Variants in MED13L observed in about 807,000 individuals in gnomAD.
MED13L encodes the protein mediator of RNA polymerase II transcription subunit 13-like.
A neutral mutation model predicts 220.9 loss-of-function variants in MED13L; 7 were observed. The ratio of observed to expected loss-of-function variants is 0.03; its 90% CI spans 0.02 to 0.06. The LOEUF (loss-of-function observed/expected upper bound fraction) is 0.06. Ranked by LOEUF, MED13L falls within the 10% of genes least tolerant of loss-of-function variation. The pLI is 1.00. For synonymous variants in MED13L, 1,011 were observed against 1,015.2 expected (o/e 1.00, Z 0.08); for missense variants, 1,965 against 2,760.5 (o/e 0.71, Z 6.46).
intron 4 of MED13L, among the ~76,000 whole-genome samples, chr12:116,093,171 T>C (rs1872378010): frequency 6.6e-6 from 1 of 152,154 alleles, no homozygotes; most frequent in African/African-American, 2.4e-5. Context: ...TTTTAAAACA[T>C]ATTCTGAATG....
intron 13 of MED13L, among the ~76,000 whole-genome samples, chr12:116,005,467 TA>T (rs1457667693): frequency 6.6e-6 from 1 of 152,188 alleles, no homozygotes; most frequent in African/African-American, 2.4e-5. Context: ...TCTGACTTAT[TA>T]GATGAATAAA....
At chr12:116,059,417 C>CTTT in intron 4 of MED13L, among the ~76,000 whole-genome samples, 1 of 137,782 alleles carries the variant, frequency 7.3e-6, no homozygotes, top group Non-Finnish European at 1.6e-5. Flanking sequence ...TTATACCGTA[C>CTTT]TTTTTTTTTT....
intron 9 of MED13L, among the ~76,000 whole-genome samples, chr12:116,010,663 C>T (rs1414218189): frequency 6.6e-6 from 1 of 151,902 alleles, no homozygotes; most frequent in Non-Finnish European, 1.5e-5. Context: ...TAGGAAGAAA[C>T]CTGAGGCAGG....
At chr12:116,224,993 AAC>A (rs1868816395) in intron 2 of MED13L, among the ~76,000 whole-genome samples, 1 of 151,856 alleles carries the variant, frequency 6.6e-6, no homozygotes, top group Non-Finnish European at 1.5e-5. Flanking sequence ...CACCAAGCCC[AAC>A]ACACCTTACA....
chr12:116,003,754 TTTTA>T (rs759755251), intron 13 of MED13L, among the ~76,000 whole-genome samples: 3 of 152,306 alleles, frequency 2.0e-5, no homozygotes, highest in Admixed American at 6.5e-5. Context: ...ATAGAAGGCC[TTTTA>T]TTTATTTATA....
Position 115,996,562 on chromosome 12 carries a change from A to C in MED13L, c.2910T>G (p.Cys970Trp). The C allele has an allele frequency of 2.5e-6, 4 of 1,614,216 alleles. No individual in the cohort carries two copies. Among genetic ancestry groups the C allele is most frequent in the Non-Finnish European group, 3.4e-6 (4 of 1,180,022 alleles). The part of the protein sequence containing the change: ...CLLPLKIPDA[C>W]LFRPSWAIPP... Reference sequence around the variant, plus strand: ...GAATTGCCCATGAAGGCCGAAACAGACAGGCATCAGGTATCTTCAGAGGTA... The same window carrying C: ...GAATTGCCCATGAAGGCCGAAACAGCCAGGCATCAGGTATCTTCAGAGGTA... Residue 970 changes from cysteine (C) to tryptophan (W), a missense_variant, in exon 16 of 31, where the codon TGT becomes TGG. By Grantham distance (215) the Cys-to-Trp change is radical. Coordinates refer to ENST00000281928, the MANE Select transcript of MED13L (RefSeq NM_015335.5).
rs1592967502 is a variant in MED13L at position 116,031,759 on chromosome 12, A to AGAAAGAAGGAAGGAAG, written c.480-9159_480-9158insCTTCCTTCCTTCTTTC. ...AGAAAAGAAAAGAAAAGAAAAGAAAAGAAGGAAGGAAGGAAGGAAGGAAGG... is the reference window on the plus strand; with the variant it reads ...AGAAAAGAAAAGAAAAGAAAAGAAAAGAAAGAAGGAAGGAAGGAAGGAAGGAAGGAAGGAAGGAAGG... On this transcript the variant is annotated intron_variant, in intron 4 of 30. Transcript: ENST00000281928. 1.9e-3 allele frequency among the ~76,000 whole-genome samples: 78 copies of AGAAAGAAGGAAGGAAG among 40,988 alleles called. 2 individuals carry two copies. The highest frequency in any genetic ancestry group is 7.0e-3 in the East Asian group (9 of 1,280). The allele number at this position is 40,988 out of a possible 152,430, so 26.9% of individuals were successfully genotyped here.
At chr12:116,054,716 C>T (rs997468288) in intron 4 of MED13L, among the ~76,000 whole-genome samples, 1 of 152,176 alleles carries the variant, frequency 6.6e-6, no homozygotes, top group Non-Finnish European at 1.5e-5. Flanking sequence ...ATTCCAAGTG[C>T]GGACAGGACA....
intron 14 of MED13L, among the ~76,000 whole-genome samples, chr12:116,000,263 T>C (rs1046961509): frequency 1.3e-5 from 2 of 152,164 alleles, no homozygotes; most frequent in African/African-American, 4.8e-5. Context: ...AAGAAACACT[T>C]TGGTCCTCCA....
At chr12:116,195,045 T>A (rs559648106) in intron 2 of MED13L, among the ~76,000 whole-genome samples, 1 of 152,218 alleles carries the variant, frequency 6.6e-6, no homozygotes, top group East Asian at 1.9e-4. Flanking sequence ...GAGGCCGAAA[T>A]TGGGCTGAAA....
chr12:116,093,156 G>T (rs1209661997), intron 4 of MED13L, among the ~76,000 whole-genome samples: 1 of 151,918 alleles, frequency 6.6e-6, no homozygotes, highest in Non-Finnish European at 1.5e-5. Context: ...ATTTTCACCG[G>T]TTTGTTTTAA....
At chr12:116,211,831 C>T (rs1882715558) in intron 2 of MED13L, among the ~76,000 whole-genome samples, 1 of 152,170 alleles carries the variant, frequency 6.6e-6, no homozygotes, top group Non-Finnish European at 1.5e-5. Context: ...TCCTCGATTC[C>T]ATTCCATTTA....
Position 116,220,592 on chromosome 12 carries a change from G to C in MED13L, c.310+16876C>G, listed in dbSNP as rs144374961. Among the ~76,000 whole-genome samples the C allele has an allele frequency of 6.5e-3, 995 of 152,312 alleles. 8 individuals are homozygous for C. Among genetic ancestry groups the C allele is most frequent in the African/African-American group, 0.022 (932 of 41,562 alleles). On this transcript the variant is annotated intron_variant, in intron 2 of 30. Transcript: ENST00000281928. ...TGCTCATTTGTAATCCCAGCTACTT[G>C]GGAGGCTGAGGCAGGAGAACCACTT...
rs1287619649 is a variant in MED13L, at chr12:115,960,299, G to C, written c.*967C>G. The C allele has an allele frequency of 6.6e-6, 1 of 152,578 alleles. No individual in the cohort carries two copies. Among genetic ancestry groups the C allele is most frequent in the African/African-American group, 2.4e-5 (1 of 41,424 alleles). 9.5% of individuals were successfully genotyped at this position (152,578 alleles called of 1,614,324 possible). A position where few individuals can be genotyped will look rare whatever the true frequency, so the allele number is the denominator to read the frequency against. ...CCTGGCTTCCAATAAGAATTCACTA[G>C]AAAATATATTTCCGTTGTGACTATA... On this transcript the variant is annotated 3_prime_UTR_variant, in exon 31 of 31. Coordinates refer to ENST00000281928, the MANE Select transcript of MED13L (RefSeq NM_015335.5).
At chr12:116,095,077 G>T (rs1409508738) in intron 4 of MED13L, among the ~76,000 whole-genome samples, 1 of 152,040 alleles carries the variant, frequency 6.6e-6, no homozygotes, top group Non-Finnish European at 1.5e-5. Flanking sequence ...TGGGAGGATC[G>T]CTTGAACCCG....
chr12:116,047,348 T>C (rs78963911), intron 4 of MED13L, among the ~76,000 whole-genome samples: 2,903 of 152,324 alleles, frequency 0.019, 85 homozygotes, highest in African/African-American at 0.063. Context: ...AAAGAGCCTG[T>C]CTTCAAAAAC....
intron 3 of MED13L, among the ~76,000 whole-genome samples, chr12:116,098,294 G>C (rs1316307891): frequency 1.3e-5 from 2 of 151,784 alleles, no homozygotes; most frequent in African/African-American, 2.4e-5. Context: ...ATAAAAATGT[G>C]GGGGGGAAAT....
intron 2 of MED13L, among the ~76,000 whole-genome samples, chr12:116,176,563 G>T (rs1040451324): frequency 1.3e-5 from 2 of 152,132 alleles, no homozygotes; most frequent in Admixed American, 6.5e-5. Flanking sequence ...GTCTCAGTAG[G>T]TTAGCAAGGA....
chr12:116,081,221 T>C (rs1871222538), intron 4 of MED13L, among the ~76,000 whole-genome samples: 1 of 152,212 alleles, frequency 6.6e-6, no homozygotes, highest in African/African-American at 2.4e-5. Flanking sequence ...TCCTAACTAG[T>C]CTAATGCTCC....
Sources: gnomAD v4.1 joint callset for allele counts (sites outside exome capture counted in the v4.1 genomes callset) on GRCh38, gnomAD v4.1.1 for gene constraint, MANE v1.5 for transcripts, NCBI Gene and HGNC (gene_info 2026-07-23, HGNC 2026-07-21) for gene names.